PXDNL: variants seen among roughly 807,000 people sequenced by gnomAD.
The protein encoded by PXDNL is peroxidasin like.
A neutral mutation model predicts 150.8 loss-of-function variants in PXDNL; 145 were observed. That is an observed-to-expected ratio of 0.96 (90% CI 0.84 to 1.10). PXDNL has a LOEUF of 1.10. Ranked by LOEUF, PXDNL falls within the 50% of genes least tolerant of loss-of-function variation. PXDNL has a pLI of 0.00. For missense variants in PXDNL, 2,087 were observed against 1,873.9 expected (o/e 1.11, Z -2.10); for synonymous variants, 757 against 725.7 (o/e 1.04, Z -0.69).
At chr8:51,385,458 T>C (rs1807673275) in intron 17 of PXDNL, among the ~76,000 whole-genome samples, 1 of 152,216 alleles carries the variant, frequency 6.6e-6, no homozygotes, top group South Asian at 2.1e-4. Flanking sequence ...ATGCTTTTAA[T>C]TTCTGATTGA....
intron 4 of PXDNL, among the ~76,000 whole-genome samples, chr8:51,507,698 T>A (rs922969249): frequency 3.9e-5 from 6 of 152,234 alleles, no homozygotes; most frequent in Admixed American, 3.3e-4. Flanking sequence ...GATTTTGTTT[T>A]GTCCCCCTCC....
chr8:51,702,071 C>T (rs1816269330), intron 1 of PXDNL, among the ~76,000 whole-genome samples: 1 of 152,186 alleles, frequency 6.6e-6, no homozygotes, highest in African/African-American at 2.4e-5. Flanking sequence ...GTTTTCCATC[C>T]AGGCTCACTT....
At chr8:51,717,371 A>AG (rs1197121083) in intron 1 of PXDNL, among the ~76,000 whole-genome samples, 3 of 152,236 alleles carry the variant, frequency 2.0e-5, no homozygotes, top group Non-Finnish European at 4.4e-5. Context: ...TTCTAAGGAC[A>AG]CATTATCCAG....
At chr8:51,495,318 A>G (rs1316018088) in intron 5 of PXDNL, among the ~76,000 whole-genome samples, 1 of 152,210 alleles carries the variant, frequency 6.6e-6, no homozygotes, top group South Asian at 2.1e-4. Context: ...AATGCCCACA[A>G]GAGAAAGCAA....
At chr8:51,749,496 G>T (rs571900508) in intron 1 of PXDNL, among the ~76,000 whole-genome samples, 1 of 151,056 alleles carries the variant, frequency 6.6e-6, no homozygotes, top group Non-Finnish European at 1.5e-5. Context: ...TCTAAACATA[G>T]AAAAGGTACA....
Position 51,408,968 on chromosome 8 carries a change from G to T in PXDNL, c.2656C>A (p.Gln886Lys). Residue 886 changes from glutamine (Q) to lysine (K), a missense_variant, in exon 17 of 23, where the codon CAG becomes AAG. Gln to Lys is a moderately conservative substitution (Grantham distance 53). Transcript: ENST00000356297. ...ATGTAGGCTGTTTGCTGGTTGATCTGCTCTCGTGCATAGACTGAATCCACC... is the reference window on the plus strand; with the variant it reads ...ATGTAGGCTGTTTGCTGGTTGATCTTCTCTCGTGCATAGACTGAATCCACC... ...ATVDSVYARE[Q>K]INQQTAYIDG... 1 of 1,612,382 alleles carries T rather than the reference G, an allele frequency of 6.2e-7. No homozygotes were observed. Among genetic ancestry groups the T allele is most frequent in the Non-Finnish European group, 8.5e-7 (1 of 1,179,864 alleles).
At chr8:51,474,843 T>A (rs1190951444) in intron 7 of PXDNL, 129 bp downstream of exon 7, 3 of 738,408 alleles carry the variant, frequency 4.1e-6, no homozygotes, top group Non-Finnish European at 6.0e-6. Flanking sequence ...GCCATACTTT[T>A]ACCACATTCC....
chr8:51,487,818 A>T (rs1810799692), intron 5 of PXDNL, among the ~76,000 whole-genome samples: 1 of 152,202 alleles, frequency 6.6e-6, no homozygotes, highest in Non-Finnish European at 1.5e-5. Flanking sequence ...GACTTCATTG[A>T]AAAGAACATT....
intron 1 of PXDNL, among the ~76,000 whole-genome samples, chr8:51,716,338 T>C (rs1816615693): frequency 6.6e-6 from 1 of 152,174 alleles, no homozygotes. Flanking sequence ...AAGACAAAAA[T>C]CCTAAAACAA....
intron 4 of PXDNL, among the ~76,000 whole-genome samples, chr8:51,512,678 G>A (rs1402051640): frequency 2.6e-5 from 4 of 152,188 alleles, no homozygotes; most frequent in African/African-American, 9.7e-5. Flanking sequence ...AACTAATGAT[G>A]TTTTGTTGAA....
At chr8:51,807,189 G>A (rs2129266995) in intron 1 of PXDNL, among the ~76,000 whole-genome samples, 2 of 152,296 alleles carry the variant, frequency 1.3e-5, no homozygotes, top group East Asian at 3.9e-4. Flanking sequence ...TGGTTCTGCA[G>A]GCTGTACAAG....
At chr8:51,377,781 G>A (rs1042110887) in intron 17 of PXDNL, among the ~76,000 whole-genome samples, 10 of 152,172 alleles carry the variant, frequency 6.6e-5, no homozygotes, top group East Asian at 1.9e-4. Context: ...CCTGCAGCCC[G>A]CCATGCCTGA....
intron 1 of PXDNL, among the ~76,000 whole-genome samples, chr8:51,806,023 A>AT: frequency 6.6e-6 from 1 of 152,304 alleles, no homozygotes; most frequent in Non-Finnish European, 1.5e-5. Flanking sequence ...AAAGAGTGAG[A>AT]TTTTCTCAAT....
At chr8:51,449,217 G>C in intron 10 of PXDNL, 99 bp from the exon 11 acceptor site, 1 of 658,510 alleles carries the variant, frequency 1.5e-6, no homozygotes, top group South Asian at 2.0e-5. Flanking sequence ...CATGTGATCA[G>C]AATTTGTTTA....
chr8:51,626,116 A>G (rs1814356235), intron 2 of PXDNL, among the ~76,000 whole-genome samples: 1 of 152,234 alleles, frequency 6.6e-6, no homozygotes, highest in African/African-American at 2.4e-5. Context: ...AATGACCTGC[A>G]TTAATGAGGA....
Position 51,453,588 on chromosome 8 carries a change from C to G in PXDNL, c.1180G>C (p.Gly394Arg). Residue 394 changes from glycine (G) to arginine (R), a missense_variant, in exon 10 of 23, where the codon GGT (glycine) becomes CGT (arginine). Transcript: ENST00000356297. ...YLQNITQRDHGRFTCHANNSH... is the reference protein window; with the variant it reads ...YLQNITQRDHRRFTCHANNSH... The stretch of plus-strand genomic sequence containing the variant: ...TTGTTGGCATGACAGGTAAATCGAC[C>G]ATGATCCCGTTGTGTGATGTTCTGT... The G allele has an allele frequency of 1.2e-6, 2 of 1,613,996 alleles. No individual in the cohort carries two copies. The highest frequency in any genetic ancestry group is 1.7e-6 in the Non-Finnish European group (2 of 1,179,882).
intron 1 of PXDNL, among the ~76,000 whole-genome samples, chr8:51,791,610 G>A (rs1047614075): frequency 6.6e-6 from 1 of 152,142 alleles, no homozygotes; most frequent in African/African-American, 2.4e-5. Flanking sequence ...AGTATGGAAG[G>A]GTACACAAGT....
Position 51,409,026 on chromosome 8 carries a change from G to A in PXDNL, c.2598C>T (p.Ser866=), listed in dbSNP as rs764883720. The part of the protein sequence containing the change: ...HAPCMLFARS[S]PACASGRPSA... ...AGGGACGGCCGCTGGCACACGCGGGGCTGGAGCGCGCGAAGAGCATGCAGG... is the reference window on the plus strand; with the variant it reads ...AGGGACGGCCGCTGGCACACGCGGGACTGGAGCGCGCGAAGAGCATGCAGG... Residue 866 remains serine, a synonymous_variant, in exon 17 of 23, where the codon AGC becomes AGT. Coordinates refer to ENST00000356297, the MANE Select transcript of PXDNL (RefSeq NM_144651.5). 9 of 1,610,474 alleles carry A rather than the reference G, an allele frequency of 5.6e-6. No homozygotes were observed. In the South Asian group the frequency reaches 7.7e-5, roughly 14 times the overall value.
chr8:51,592,513 A>T, intron 3 of PXDNL, 114 bp downstream of exon 3: 1 of 669,112 alleles, frequency 1.5e-6, no homozygotes, highest in Non-Finnish European at 2.5e-6. Flanking sequence ...ATAAAGGTTG[A>T]AACTGCTTTT....
Sources: gnomAD v4.1 joint callset for allele counts (sites outside exome capture counted in the v4.1 genomes callset) on GRCh38, gnomAD v4.1.1 for gene constraint, MANE v1.5 for transcripts, NCBI Gene and HGNC (gene_info 2026-07-23, HGNC 2026-07-21) for gene names.